The following GPR107 variants were observed in gnomAD, a reference collection of about 807,000 sequenced individuals.
GPR107 encodes the protein G protein-coupled receptor 107.
A neutral mutation model predicts 75.5 loss-of-function variants in GPR107; 31 were observed. The ratio of observed to expected loss-of-function variants is 0.41; its 90% confidence interval spans 0.31 to 0.55. GPR107 has a LOEUF of 0.55. Among genes scored for constraint, GPR107 ranks in the 20% least tolerant of loss-of-function variants. The pLI, the probability that GPR107 is intolerant of heterozygous loss-of-function variation, is 0.26. For missense variants in GPR107, 572 were observed against 665.7 expected (o/e 0.86, Z 1.55); for synonymous variants, 267 against 251.3 (o/e 1.06, Z -0.59).
chr9:130,105,190 A>T (rs115538297), intron 13 of GPR107, among the ~76,000 whole-genome samples: 2 of 152,102 alleles, frequency 1.3e-5, no homozygotes, highest in Non-Finnish European at 2.9e-5. Flanking sequence ...TTGGAATGCA[A>T]TTCTTTTGAA....
intron 14 of GPR107, among the ~76,000 whole-genome samples, chr9:130,121,792 A>G (rs1032229260): frequency 2.6e-5 from 4 of 152,058 alleles, no homozygotes; most frequent in Non-Finnish European, 5.9e-5. Context: ...AAAACATGAC[A>G]CTTCCTTGTC....
intron 5 of GPR107, among the ~76,000 whole-genome samples, chr9:130,080,603 T>C (rs1830471068): frequency 6.6e-6 from 1 of 151,922 alleles, no homozygotes; most frequent in Non-Finnish European, 1.5e-5. Flanking sequence ...GCCATTCTCC[T>C]GCCTCAGCCT....
chr9:130,075,970 C>T (rs989556499), intron 2 of GPR107, among the ~76,000 whole-genome samples: 2 of 151,924 alleles, frequency 1.3e-5, no homozygotes, highest in Non-Finnish European at 2.9e-5. Flanking sequence ...TTAGTAGAGA[C>T]GGGGTTTCAC....
intron 13 of GPR107, among the ~76,000 whole-genome samples, chr9:130,106,253 T>C (rs934423731): frequency 2.0e-5 from 3 of 152,206 alleles, no homozygotes; most frequent in African/African-American, 7.2e-5. Flanking sequence ...ATCCTAAAAA[T>C]TACTGTAAAA....
chr9:130,067,752 C>CCCCTTT (rs1554890696), intron 1 of GPR107, among the ~76,000 whole-genome samples: 1 of 116,844 alleles, frequency 8.6e-6, no homozygotes, highest in African/African-American at 3.2e-5. Flanking sequence ...CCACCGCCCC[C>CCCCTTT]TTTTTTTTTT....
rs117681681 is a variant in GPR107 at position 130,107,713 on chromosome 9, G to T, written c.1306+174G>T. 5.3e-4 allele frequency among the ~76,000 whole-genome samples: 81 copies of T among 152,304 alleles called. 2 individuals carry two copies. The East Asian group carries it at 0.014, about 26-fold the overall frequency. On this transcript the variant is annotated intron_variant, in intron 14 of 17. Coordinates refer to ENST00000347136, the MANE Select transcript of GPR107 (RefSeq NM_020960.5). ...AGCAGCCAGGGGTAGTTTGGAGAAG[G>T]AGGTGTTGAGTCAGTTGTATAAGGA... is the stretch of plus-strand genomic sequence containing the variant.
At chr9:130,084,504 A>G (rs1377313650) in intron 6 of GPR107, among the ~76,000 whole-genome samples, 1 of 150,414 alleles carries the variant, frequency 6.6e-6, no homozygotes, top group South Asian at 2.1e-4. Flanking sequence ...CTGGCTGGGC[A>G]TGGTGGCTTG....
intron 14 of GPR107, among the ~76,000 whole-genome samples, chr9:130,124,002 T>C (rs1831614921): frequency 6.6e-6 from 1 of 152,172 alleles, no homozygotes. Flanking sequence ...TCAGAGGAGA[T>C]TCTTGTAGAT....
intron 17 of GPR107, among the ~76,000 whole-genome samples, chr9:130,134,714 C>T (rs143146837): frequency 2.8e-4 from 43 of 152,342 alleles, no homozygotes; most frequent in African/African-American, 1.0e-3. Context: ...ACAAAAATTC[C>T]GCAAGCTGTG....
Position 130,053,960 on chromosome 9 carries a change from C to T in GPR107, c.28C>T (p.Pro10Ser), listed in dbSNP as rs553057270. 23 of 1,555,142 alleles carry T rather than the reference C, an allele frequency of 1.5e-5. No homozygotes were observed. The highest frequency in any genetic ancestry group is 1.9e-5 in the Non-Finnish European group (22 of 1,150,894). MAALAPVGS[P>S]ASRGPRLAAG... ...GGCCGCTCTGGCGCCCGTCGGCTCC[C>T]CCGCCTCCCGCGGTCCTAGGCTGGC... Residue 10 changes from proline to serine, a missense_variant, in exon 1 of 18, where the codon CCC becomes TCC. Coordinates refer to ENST00000347136, the MANE Select transcript of GPR107 (RefSeq NM_020960.5).
At chr9:130,080,450 A>G (rs561769976) in intron 5 of GPR107, among the ~76,000 whole-genome samples, 4 of 150,696 alleles carry the variant, frequency 2.7e-5, no homozygotes, top group African/African-American at 7.3e-5. Flanking sequence ...TCCTAAAATG[A>G]AAGGCAAAAA....
At chr9:130,099,798 G>GT (rs11387977) in intron 10 of GPR107, among the ~76,000 whole-genome samples, 147,649 of 149,996 alleles carry the variant, frequency 0.98, 72,679 homozygotes, top group East Asian at 1. Context: ...TTATTTCTTT[G>GT]TTTTTGGTTT....
chr9:130,114,029 C>CTTTTTTTTT (rs60616601), intron 14 of GPR107, among the ~76,000 whole-genome samples: 101 of 90,660 alleles, frequency 1.1e-3, no homozygotes, highest in Admixed American at 1.9e-3. Flanking sequence ...TCTTCTCATT[C>CTTTTTTTTT]TTTTTTTTTT....
intron 1 of GPR107, among the ~76,000 whole-genome samples, chr9:130,062,599 C>T (rs965456924): frequency 2.0e-5 from 3 of 150,298 alleles, no homozygotes; most frequent in Middle Eastern, 6.9e-3. Context: ...GTGGCTCTTT[C>T]GCCTGCCTGC....
intron 1 of GPR107, among the ~76,000 whole-genome samples, chr9:130,060,496 G>A (rs1279322088): frequency 1.4e-5 from 2 of 142,526 alleles, no homozygotes; most frequent in South Asian, 2.3e-4. Context: ...CATAGTGCAC[G>A]ATAGCCTCCA....
In GPR107 at chr9:130,099,457, G is replaced by C; in HGVS notation, c.864G>C (p.Arg288=). The C allele has an allele frequency of 6.4e-7, 1 of 1,563,194 alleles. No homozygotes were observed. Among genetic ancestry groups the C allele is most frequent in the Non-Finnish European group, 8.8e-7 (1 of 1,133,876 alleles). ...TIWIHILRKR[R]NDVFKIHWLM... ...AATTGTTTTCTCTCTGTTTTTATAG[G>C]AATGATGTATTTAAAATCCACTGGC... The change falls in exon 10 of 18, where the codon CGG becomes CGC. Residue 288 remains arginine, a splice_region_variant and synonymous_variant. Coordinates refer to ENST00000347136, the MANE Select transcript of GPR107 (RefSeq NM_020960.5).
chr9:130,099,314 C>CA (rs113082720), intron 9 of GPR107, 143 bp from the exon 10 acceptor site: 30,632 of 489,148 alleles, frequency 0.063, no homozygotes, highest in East Asian at 0.074. Context: ...GACCCTGTCT[C>CA]AAAAAAAAAA....
intron 1 of GPR107, among the ~76,000 whole-genome samples, chr9:130,064,322 C>T (rs1025377895): frequency 4.0e-5 from 6 of 149,774 alleles, no homozygotes; most frequent in African/African-American, 9.8e-5. Flanking sequence ...CTCAGCCTCC[C>T]GAGTAGCTGG....
intron 14 of GPR107, among the ~76,000 whole-genome samples, chr9:130,124,396 T>C (rs1831623447): frequency 1.3e-5 from 2 of 152,188 alleles, no homozygotes; most frequent in African/African-American, 2.4e-5. Flanking sequence ...AAAGGGCTTA[T>C]TACAAGTCAC....
Sources: allele counts gnomAD v4.1 joint callset (sites outside exome capture counted in the v4.1 genomes callset), GRCh38; gene constraint gnomAD v4.1.1; transcripts MANE v1.5; gene names NCBI Gene and HGNC (gene_info 2026-07-23, HGNC 2026-07-21).